CEP15: variants seen among roughly 807,000 people sequenced by gnomAD.
CEP15 encodes the protein centrosomal protein 15, also known as centrosomal protein 15 kDa.
At chr3:62,319,269 G>A in the CEP15 span, 1 of 152,378 alleles carries the variant, frequency 6.6e-6, no homozygotes, top group Middle Eastern at 3.4e-3. Flanking sequence ...AATGTGATTT[G>A]GTTTTGTCTA....
At chr3:62,332,958 A>C in the CEP15 span, among the ~76,000 whole-genome samples, 5 of 152,146 alleles carry the variant, frequency 3.3e-5, no homozygotes, top group Non-Finnish European at 7.4e-5. Context: ...ATTAGCAATA[A>C]TCATGAAGTT....
chr3:62,335,540 C>T, the CEP15 span: 4 of 150,990 alleles, frequency 2.6e-5, no homozygotes, highest in African/African-American at 7.3e-5. Flanking sequence ...ATTAGCTTTA[C>T]ACAGGAATTT....
At chr3:62,325,813 C>G in the CEP15 span, among the ~76,000 whole-genome samples, 1 of 152,092 alleles carries the variant, frequency 6.6e-6, no homozygotes, top group African/African-American at 2.4e-5. Context: ...GCGGGCAGAT[C>G]AAGAGATCAA....
the CEP15 span, chr3:62,322,091 C>T: frequency 2.5e-6 from 4 of 1,578,208 alleles, no homozygotes; most frequent in Non-Finnish European, 2.6e-6. The surrounding 1 kb of genome is among the most constrained non-coding windows in gnomAD (Gnocchi z 5.5). Flanking sequence ...ATTTATCCCA[C>T]CTTCTCAAAA....
the CEP15 span, among the ~76,000 whole-genome samples, chr3:62,332,182 G>T: frequency 6.6e-6 from 1 of 152,042 alleles, no homozygotes; most frequent in African/African-American, 2.4e-5. Flanking sequence ...GGCATATACA[G>T]GACCCACACA....
chr3:62,325,852 C>T, the CEP15 span, among the ~76,000 whole-genome samples: 7 of 151,936 alleles, frequency 4.6e-5, no homozygotes, highest in Admixed American at 1.3e-4. Context: ...GGTGAAACCC[C>T]GTCTCTACTA....
the CEP15 span, chr3:62,333,165 C>A: frequency 8.0e-7 from 1 of 1,246,188 alleles, no homozygotes; most frequent in Non-Finnish European, 1.1e-6. The surrounding 1 kb of genome is among the most constrained non-coding windows in gnomAD (Gnocchi z 4.0). Context: ...CACGCATACA[C>A]ACTCTTAAGT....
chr3:62,328,167 A>G, the CEP15 span, among the ~76,000 whole-genome samples: 1 of 152,210 alleles, frequency 6.6e-6, no homozygotes, highest in African/African-American at 2.4e-5. Flanking sequence ...TGTTGTTAAG[A>G]TAAAATACAT....
chr3:62,325,806 G>T, the CEP15 span, among the ~76,000 whole-genome samples: 1 of 152,012 alleles, frequency 6.6e-6, no homozygotes, highest in East Asian at 1.9e-4. Flanking sequence ...GGCCAAGGCG[G>T]GCAGATCAAG....
chr3:62,326,448 T>G, the CEP15 span, among the ~76,000 whole-genome samples: 3 of 152,182 alleles, frequency 2.0e-5, no homozygotes, highest in Non-Finnish European at 4.4e-5. Flanking sequence ...ATATTTATAG[T>G]GAGGTATTAG....
chr3:62,333,147 T>C, the CEP15 span: 1 of 914,852 alleles, frequency 1.1e-6, no homozygotes, highest in Non-Finnish European at 1.7e-6. This position sits in a 1 kb window ranked among gnomAD's most constrained non-coding sequence, Gnocchi z 4.0. Context: ...TGTGTGTGTG[T>C]GTGTATACAC....
chr3:62,327,126 C>T, the CEP15 span, among the ~76,000 whole-genome samples: 1 of 152,252 alleles, frequency 6.6e-6, no homozygotes, highest in Middle Eastern at 3.4e-3. Context: ...TTGTCCTATG[C>T]GTTTCCCAGT....
At chr3:62,325,957 GGGGGTTGCA>G in the CEP15 span, among the ~76,000 whole-genome samples, 2 of 151,246 alleles carry the variant, frequency 1.3e-5, no homozygotes, top group Non-Finnish European at 2.9e-5. Flanking sequence ...CCGGGAAGCA[GGGGGTTGCA>G]GTGAGCGAGA....
At chr3:62,331,387 G>C in the CEP15 span, 1 of 1,612,782 alleles carries the variant, frequency 6.2e-7, no homozygotes, top group East Asian at 2.2e-5. Context: ...GGCCTGAGGT[G>C]GTTTCTCTTG....
chr3:62,331,347 C>CACT, the CEP15 span: 1 of 1,612,956 alleles, frequency 6.2e-7, no homozygotes, highest in Non-Finnish European at 8.5e-7. Flanking sequence ...GCAGAAAAGT[C>CACT]ACTACAGACC....
At chr3:62,329,312 A>G in the CEP15 span, among the ~76,000 whole-genome samples, 12 of 152,274 alleles carry the variant, frequency 7.9e-5, no homozygotes, top group African/African-American at 2.9e-4. Flanking sequence ...GAATAAGATG[A>G]GCTTAGTTTC....
the CEP15 span, among the ~76,000 whole-genome samples, chr3:62,330,195 GC>G: frequency 6.6e-6 from 1 of 151,956 alleles, no homozygotes; most frequent in Non-Finnish European, 1.5e-5. Context: ...GCTACCATCT[GC>G]TATCTCTTTT....
the CEP15 span, chr3:62,322,049 T>C: frequency 6.2e-7 from 1 of 1,603,114 alleles, no homozygotes; most frequent in East Asian, 2.2e-5. The surrounding 1 kb of genome is among the most constrained non-coding windows in gnomAD (Gnocchi z 5.5). Context: ...CTTAGTCTTT[T>C]AAAGGTAAGT....
chr3:62,325,088 A>G, the CEP15 span, among the ~76,000 whole-genome samples: 6 of 152,238 alleles, frequency 3.9e-5, no homozygotes, highest in Non-Finnish European at 7.3e-5. Context: ...ATAAAATTCT[A>G]AAATACTTGG....
Sources: allele counts gnomAD v4.1 joint callset (sites outside exome capture counted in the v4.1 genomes callset), GRCh38; gene constraint gnomAD v4.1.1; non-coding constraint Gnocchi (gnomAD v3.1); transcripts MANE v1.5; gene names NCBI Gene and HGNC (gene_info 2026-07-23, HGNC 2026-07-21).